Variants in CTTNBP2 observed in about 807,000 individuals in gnomAD.
The protein encoded by CTTNBP2 is cortactin binding protein 2.
CTTNBP2 carries 108 observed loss-of-function variants against 156.9 expected under a neutral mutation model. The ratio of observed to expected loss-of-function variants is 0.69; its 90% CI spans 0.59 to 0.81. CTTNBP2 has a LOEUF of 0.81. CTTNBP2 is among the 30% of genes least tolerant of loss of function. The pLI, the probability that CTTNBP2 is intolerant of heterozygous loss-of-function variation, is 0.00. For synonymous variants in CTTNBP2, 767 were observed against 751.8 expected (o/e 1.02, Z -0.33); for missense variants, 1,924 against 2,035.4 (o/e 0.95, Z 1.05).
At chr7:117,860,321 T>G (rs1803632254) in intron 2 of CTTNBP2, among the ~76,000 whole-genome samples, 1 of 152,084 alleles carries the variant, frequency 6.6e-6, no homozygotes. Context: ...TTAGACTTTC[T>G]TGATGTATTG....
chr7:117,801,728 T>C (rs1799618113), intron 3 of CTTNBP2, among the ~76,000 whole-genome samples: 1 of 152,174 alleles, frequency 6.6e-6, no homozygotes. Context: ...CATCTGTGTG[T>C]GTGCGCTCAC....
At chr7:117,843,231 C>A (rs1802380040) in intron 2 of CTTNBP2, among the ~76,000 whole-genome samples, 2 of 152,116 alleles carry the variant, frequency 1.3e-5, no homozygotes, top group Non-Finnish European at 2.9e-5. Flanking sequence ...CATTTTATAT[C>A]AGGGACTTGG....
intron 2 of CTTNBP2, among the ~76,000 whole-genome samples, chr7:117,830,714 GGAACGCCTCCCTCTCTAGAAT>G (rs1290571086): frequency 2.0e-5 from 3 of 152,164 alleles, no homozygotes; most frequent in South Asian, 2.1e-4. Flanking sequence ...TTCTTTATTA[GGAACGCCTCCCTCTCTAGAAT>G]GAACGCCACC....
intron 2 of CTTNBP2, among the ~76,000 whole-genome samples, chr7:117,818,290 A>AT (rs1180100497): frequency 6.6e-6 from 1 of 151,894 alleles, no homozygotes; most frequent in Non-Finnish European, 1.5e-5. Context: ...TAATAAAAAA[A>AT]AACCAAAAAC....
At chr7:117,816,781 T>A (rs758962464) in intron 2 of CTTNBP2, among the ~76,000 whole-genome samples, 10 of 152,112 alleles carry the variant, frequency 6.6e-5, no homozygotes, top group Non-Finnish European at 1.5e-4. Context: ...TAAAGGCAGA[T>A]CAACAACATA....
chr7:117,853,456 C>T (rs2193264), intron 2 of CTTNBP2, among the ~76,000 whole-genome samples: 20,286 of 151,996 alleles, frequency 0.13, 1,702 homozygotes, highest in South Asian at 0.29. Context: ...CTCTTATAAT[C>T]AAAACATAGA....
chr7:117,713,223 A>C (rs914958548), intron 22 of CTTNBP2, among the ~76,000 whole-genome samples: 8 of 152,274 alleles, frequency 5.3e-5, no homozygotes, highest in Non-Finnish European at 1.0e-4. Context: ...TGCTGTCCTA[A>C]ATGGTAGCAT....
chr7:117,860,194 C>T (rs1393862961), intron 2 of CTTNBP2, among the ~76,000 whole-genome samples: 2 of 152,054 alleles, frequency 1.3e-5, no homozygotes, highest in African/African-American at 2.4e-5. Flanking sequence ...CAAAAAATAA[C>T]TAATTACAGA....
intron 21 of CTTNBP2, among the ~76,000 whole-genome samples, chr7:117,719,236 G>C (rs1272197537): frequency 1.3e-5 from 2 of 152,102 alleles, no homozygotes; most frequent in African/African-American, 4.8e-5. Flanking sequence ...CAAATGAATT[G>C]ATGTGACTTG....
chr7:117,827,769 GT>G (rs1353710789), intron 2 of CTTNBP2, among the ~76,000 whole-genome samples: 2 of 152,180 alleles, frequency 1.3e-5, no homozygotes, highest in Non-Finnish European at 2.9e-5. Flanking sequence ...AATAAAGGTA[GT>G]TTCTTGTCTA....
intron 17 of CTTNBP2, among the ~76,000 whole-genome samples, 181 bp downstream of exon 17, chr7:117,727,908 T>C (rs1012117440): frequency 6.6e-6 from 1 of 152,154 alleles, no homozygotes; most frequent in Non-Finnish European, 1.5e-5. Context: ...AAAATGCAGC[T>C]GCCCTAGGAA....
chr7:117,749,025 C>T (rs1310215520), intron 12 of CTTNBP2, among the ~76,000 whole-genome samples: 1 of 152,156 alleles, frequency 6.6e-6, no homozygotes, highest in Admixed American at 6.5e-5. Context: ...TTGAACTTTC[C>T]ACACCCTGGA....
chr7:117,814,405 A>T (rs1057078736), intron 2 of CTTNBP2, among the ~76,000 whole-genome samples: 7 of 152,178 alleles, frequency 4.6e-5, no homozygotes, highest in African/African-American at 1.7e-4. Flanking sequence ...CAATACATGT[A>T]CAGGTTCATA....
At chr7:117,870,408 A>G (rs1387097899) in intron 1 of CTTNBP2, among the ~76,000 whole-genome samples, 1 of 152,254 alleles carries the variant, frequency 6.6e-6, no homozygotes, top group Admixed American at 6.5e-5. Flanking sequence ...ATTTACATTC[A>G]ATACTGTCAC....
chr7:117,850,626 G>A (rs1802879788), intron 2 of CTTNBP2, among the ~76,000 whole-genome samples: 2 of 151,866 alleles, frequency 1.3e-5, no homozygotes, highest in African/African-American at 4.8e-5. Context: ...GAGAAACATG[G>A]TTATTTTTAT....
intron 17 of CTTNBP2, among the ~76,000 whole-genome samples, chr7:117,726,538 A>G (rs35454880): frequency 0.21 from 31,832 of 152,164 alleles, 3,554 homozygotes; most frequent in Non-Finnish European, 0.22. Flanking sequence ...AATTCTCTGC[A>G]GCATTTCTGC....
intron 14 of CTTNBP2, among the ~76,000 whole-genome samples, chr7:117,744,655 G>A (rs1446136773): frequency 2.0e-5 from 3 of 152,118 alleles, no homozygotes; most frequent in African/African-American, 7.2e-5. Flanking sequence ...GAGACCCAAG[G>A]CAGGCAGATT....
At chr7:117,838,968 G>A (rs368701135) in intron 2 of CTTNBP2, among the ~76,000 whole-genome samples, 1 of 25,248 alleles carries the variant, frequency 4.0e-5, no homozygotes, top group Non-Finnish European at 6.8e-5. Context: ...TTGCGGGGGC[G>A]GGGGGGGGGC....
intron 12 of CTTNBP2, among the ~76,000 whole-genome samples, chr7:117,748,249 G>A (rs1796442887): frequency 6.6e-6 from 1 of 152,158 alleles, no homozygotes; most frequent in Non-Finnish European, 1.5e-5. Context: ...AAGCCTGGGT[G>A]ACGTACAGAT....
Sources: gnomAD v4.1 joint callset for allele counts (sites outside exome capture counted in the v4.1 genomes callset) on GRCh38, gnomAD v4.1.1 for gene constraint, MANE v1.5 for transcripts, NCBI Gene and HGNC (gene_info 2026-07-23, HGNC 2026-07-21) for gene names.